ZNFX1: variants seen among roughly 807,000 people sequenced by gnomAD.
ZNFX1 encodes the protein zinc finger NFX1-type containing 1, also known as NFX1-type zinc finger-containing protein 1.
A neutral mutation model predicts 179.8 loss-of-function variants in ZNFX1; 78 were observed. That is an observed-to-expected ratio of 0.43 (90% CI 0.36 to 0.52). ZNFX1 has a LOEUF of 0.52. Among genes scored for constraint, ZNFX1 ranks in the 20% least tolerant of loss-of-function variants. The pLI, the probability that ZNFX1 is intolerant of heterozygous loss-of-function variation, is 0.00. For synonymous variants in ZNFX1, 848 were observed against 868.5 expected, an observed-to-expected ratio of 0.98 and a Z score of 0.42; for missense variants, 1,927 against 2,386.6, an observed-to-expected ratio of 0.81 and a Z score of 4.01.
At position 49,270,412 on chromosome 20, in the gene ZNFX1, G is replaced by A. The variant is rs1981353154; in HGVS notation, c.1400C>T (p.Ala467Val). The A allele has an allele frequency of 7.4e-6, 12 of 1,614,178 alleles. No individual in the cohort carries two copies. Among genetic ancestry groups the A allele is most frequent in the Non-Finnish European group, 9.3e-6 (11 of 1,180,022 alleles). Residue 467 changes from alanine to valine, a missense_variant, in exon 3 of 14, where the codon GCC (alanine) becomes GTC (valine). Coordinates refer to ENST00000396105, the MANE Select transcript of ZNFX1 (RefSeq NM_021035.3). This position sits in a 1 kb window ranked among gnomAD's most constrained non-coding sequence, Gnocchi z 4.6. ...TTCCTGCTCCCTGTTAGATACGGTGGCAAAAAGAAATGTCTCGAAGTTGTC... is the reference window on the plus strand; with the variant it reads ...TTCCTGCTCCCTGTTAGATACGGTGACAAAAAGAAATGTCTCGAAGTTGTC... ...SKDNFETFLF[A>V]TVSNREQEDL...
At chr20:49,254,385 T>A (rs1980917135) in intron 10 of ZNFX1, 110 bp downstream of exon 10, 23 of 1,376,488 alleles carry the variant, frequency 1.7e-5, no homozygotes, top group Non-Finnish European at 2.3e-5. Context: ...TAGCTTTTCA[T>A]GGTATTTTCC....
Position 49,247,836 on chromosome 20 carries a change from C to A in ZNFX1, c.5188G>T (p.Val1730Leu). 2 of 1,614,124 alleles carry A rather than the reference C, an allele frequency of 1.2e-6. No homozygotes were observed. Among genetic ancestry groups the A allele is most frequent in the South Asian group, 2.2e-5 (2 of 91,080 alleles). The change falls in exon 14 of 14, where the codon GTG becomes TTG. Residue 1730 changes from valine to leucine, a missense_variant. Coordinates refer to ENST00000396105, the MANE Select transcript of ZNFX1 (RefSeq NM_021035.3). The part of the protein sequence containing the change: ...KKMHVLEEKR[V>L]RTRLEQVHEW... ...TGGACCTGTTCTAGTCGAGTCCTCA[C>A]TCTTTTCTCTTCTAAGACATGCATC...
At position 49,251,524 on chromosome 20, in the gene ZNFX1, C is replaced by T. The variant is rs763475312; in HGVS notation, c.3312+3G>A. On this transcript the variant is annotated splice_donor_region_variant and intron_variant, in intron 13 of 13. Coordinates refer to ENST00000396105, the MANE Select transcript of ZNFX1 (RefSeq NM_021035.3). Reference sequence around the variant, plus strand: ...CAAGAAAGATCGGGTAAGACAGACTCACCTTAATCTTCTCATACTTAAGAA... The same window carrying T: ...CAAGAAAGATCGGGTAAGACAGACTTACCTTAATCTTCTCATACTTAAGAA... 8.7e-6 allele frequency: 14 copies of T among 1,609,854 alleles called. No individual in the cohort carries two copies. Among genetic ancestry groups the T allele is most frequent in the Middle Eastern group, 1.7e-4 (1 of 6,042 alleles).
At position 49,245,937 on chromosome 20, in the gene ZNFX1, A is replaced by T. The variant is rs909408536; in HGVS notation, c.*1330T>A. The T allele has an allele frequency of 6.6e-6, 1 of 152,638 alleles. No homozygotes were observed. The highest frequency in any genetic ancestry group is 2.4e-5 in the African/African-American group (1 of 41,452). 9.5% of individuals were successfully genotyped at this position (152,638 alleles called of 1,614,324 possible). ...TTGTTTTTAATTGGCTTTATAAGCT[A>T]AAGTGCATAGTAAAGACAAAAAAAG... On this transcript the variant is annotated 3_prime_UTR_variant, in exon 14 of 14. Coordinates refer to ENST00000396105, the MANE Select transcript of ZNFX1 (RefSeq NM_021035.3).
chr20:49,263,621 T>C (rs1033173390), intron 5 of ZNFX1, 138 bp from the exon 6 acceptor site: 4 of 1,048,654 alleles, frequency 3.8e-6, no homozygotes, highest in African/African-American at 1.6e-5. Flanking sequence ...AACAAACCAA[T>C]TTCCCAAGGC....
At chr20:49,255,678 T>C in intron 9 of ZNFX1, 130 bp downstream of exon 9, 1 of 1,038,936 alleles carries the variant, frequency 9.6e-7, no homozygotes, top group Non-Finnish European at 1.4e-6. Flanking sequence ...GCTGTATCCC[T>C]ATCACTCAGC....
At chr20:49,258,520 G>T (rs977428205) in intron 7 of ZNFX1, among the ~76,000 whole-genome samples, 3 of 152,154 alleles carry the variant, frequency 2.0e-5, no homozygotes, top group Non-Finnish European at 2.9e-5. Context: ...TTTAAAGAAA[G>T]GTTTTGGCTG....
intron 13 of ZNFX1, 57 bp from the exon 14 acceptor site, chr20:49,249,768 C>A: frequency 6.5e-7 from 1 of 1,548,926 alleles, no homozygotes; most frequent in Non-Finnish European, 8.7e-7. Flanking sequence ...TTGTTTTTTT[C>A]TTCCTCTCTT....
At position 49,255,216 on chromosome 20, in the gene ZNFX1, T is replaced by C. The variant is rs866868812; in HGVS notation, c.2805-567A>G. On this transcript the variant is annotated intron_variant, in intron 9 of 13. Coordinates refer to ENST00000396105, the MANE Select transcript of ZNFX1 (RefSeq NM_021035.3). ...CGGCCACCACGCCCAGCTAATTTTT[T>C]GTGTTTTTAGTAGAGACGGGGTTTC... 2.0e-5 allele frequency among the ~76,000 whole-genome samples: 3 copies of C among 152,164 alleles called. 1 individual carries two copies. In the Middle Eastern group the frequency reaches 0.01, roughly 518 times the overall value.
chr20:49,255,900 C>T lies in ZNFX1; in HGVS notation c.2712G>A (p.Glu904=), dbSNP rs780271824. 1.2e-6 allele frequency: 2 copies of T among 1,614,118 alleles called. No homozygotes were observed. Among genetic ancestry groups the T allele is most frequent in the Admixed American group, 1.7e-5 (1 of 59,994 alleles). The part of the protein sequence containing the change: ...KKKMKKRVKD[E]LRKLNTMTAA... Reference sequence around the variant, plus strand: ...CAGTCATGGTGTTCAGTTTGCGAAGCTCATCCTTCACTCTTTTTTTCATTT... The same window carrying T: ...CAGTCATGGTGTTCAGTTTGCGAAGTTCATCCTTCACTCTTTTTTTCATTT... Residue 904 remains glutamate, a synonymous_variant, in exon 9 of 14, where the codon GAG becomes GAA. Coordinates refer to ENST00000396105, the MANE Select transcript of ZNFX1 (RefSeq NM_021035.3).
rs201173467 is a variant in ZNFX1, at chr20:49,249,625, C to T, written c.3399G>A (p.Glu1133=). The change falls in exon 14 of 14, where the codon GAG becomes GAA. Residue 1133 remains glutamate, a synonymous_variant. Coordinates refer to ENST00000396105, the MANE Select transcript of ZNFX1 (RefSeq NM_021035.3). Reference sequence around the variant, plus strand: ...TGCACAGCTCTACCACAAAGTGAGCCTCATGCTGGTTCTGATGGCTTTTGC... The same window carrying T: ...TGCACAGCTCTACCACAAAGTGAGCTTCATGCTGGTTCTGATGGCTTTTGC... The part of the protein sequence containing the change: ...QEGKSHQNQH[E]AHFVVELCKY... 18 of 1,614,220 alleles carry T rather than the reference C, an allele frequency of 1.1e-5. No homozygotes were observed. The African/African-American group carries it at 2.3e-4, about 20-fold the overall frequency.
At position 49,248,121 on chromosome 20, in the gene ZNFX1, T is replaced by C; in HGVS notation, c.4903A>G (p.Ser1635Gly). 1 of 1,614,244 alleles carries C rather than the reference T, an allele frequency of 6.2e-7. No homozygotes were observed. The highest frequency in any genetic ancestry group is 1.7e-5 in the Admixed American group (1 of 60,022). ...PIRKNLRYGTSIKQRLEEIEI... is the reference protein window; with the variant it reads ...PIRKNLRYGTGIKQRLEEIEI... ...ATCTCTTCTAGCCGCTGTTTTATGC[T>C]AGTTCCATACCTCAGGTTTTTGCGG... Residue 1635 changes from serine to glycine, a missense_variant, in exon 14 of 14, where the codon AGC becomes GGC. Ser to Gly is a moderately conservative substitution (Grantham distance 56). Transcript: ENST00000396105. The surrounding 1 kb of genome is among the most constrained non-coding windows in gnomAD (Gnocchi z 4.6).
At position 49,247,954 on chromosome 20, in the gene ZNFX1, G is replaced by T. The variant is rs780879698; in HGVS notation, c.5070C>A (p.Ala1690=). ...GGTCCTTCACTGACAGATTTTTCTG[G>T]GCCAGCTTCTCCTTTAACATCAGGA... ...EDFLMLKEKL[A]QKNLSVKDLG... is the part of the protein sequence containing the mutation. The change falls in exon 14 of 14, where the codon GCC becomes GCA. Residue 1690 remains alanine (A), a synonymous_variant. Coordinates refer to ENST00000396105, the MANE Select transcript of ZNFX1 (RefSeq NM_021035.3). 2 of 1,613,684 alleles carry T rather than the reference G, an allele frequency of 1.2e-6. No homozygotes were observed. The highest frequency in any genetic ancestry group is 8.5e-7 in the Non-Finnish European group (1 of 1,179,876).
Position 49,247,176 on chromosome 20 carries a change from T to C in ZNFX1, c.*91A>G. 8 of 1,501,832 alleles carry C rather than the reference T, an allele frequency of 5.3e-6. No individual in the cohort carries two copies. Among genetic ancestry groups the C allele is most frequent in the Non-Finnish European group, 6.3e-6 (7 of 1,119,530 alleles). The allele number at this position is 1,501,832 out of a possible 1,614,324, so 93.0% of individuals were successfully genotyped here. A position where few individuals can be genotyped will look rare whatever the true frequency, so the allele number is the denominator to read the frequency against. ...GCCACTGCGCCCAGCCTAAAAAGGA[T>C]GATAATAAAAAACAAACTTCAGTTC... On this transcript the variant is annotated 3_prime_UTR_variant, in exon 14 of 14. Coordinates refer to ENST00000396105, the MANE Select transcript of ZNFX1 (RefSeq NM_021035.3).
At position 49,248,743 on chromosome 20, in the gene ZNFX1, C is replaced by T; in HGVS notation, c.4281G>A (p.Leu1427=). 6.2e-7 allele frequency: 1 copy of T among 1,613,480 alleles called. No individual in the cohort carries two copies. The highest frequency in any genetic ancestry group is 8.5e-7 in the Non-Finnish European group (1 of 1,180,046). The change falls in exon 14 of 14, where the codon CTG becomes CTA. Residue 1427 remains leucine, a synonymous_variant. Coordinates refer to ENST00000396105, the MANE Select transcript of ZNFX1 (RefSeq NM_021035.3). The surrounding 1 kb of genome is among the most constrained non-coding windows in gnomAD (Gnocchi z 4.6). ...GHVEGLLYGG[L]LVKCTTKCGT... ...CACACTTTGTGGTACACTTGACTAG[C>T]AGACCACCATACAGGAGGCCTTCCA...
chr20:49,258,902 A>G (rs171132), intron 7 of ZNFX1, among the ~76,000 whole-genome samples: 127,680 of 151,994 alleles, frequency 0.84, 54,060 homozygotes, highest in African/African-American at 0.93. Context: ...TCAGGAGCTC[A>G]AGACCAGCCT....
rs1980957371 is a variant in ZNFX1, at chr20:49,255,851, C to T, written c.2761G>A (p.Asp921Asn). The T allele has an allele frequency of 6.2e-7, 1 of 1,613,942 alleles. No individual in the cohort carries two copies. Among genetic ancestry groups the T allele is most frequent in the African/African-American group, 1.3e-5 (1 of 74,900 alleles). Residue 921 changes from aspartate to asparagine, a missense_variant, in exon 9 of 14, where the codon GAT becomes AAT. Transcript: ENST00000396105. ...MTAAEANEIE[D>N]VWQLDLSSRW... is the part of the protein sequence containing the mutation. ...GAACTGAGGTCCAGCTGCCAAACAT[C>T]CTCGATCTCGTTGGCCTCGGCTGCA...
At position 49,248,948 on chromosome 20, in the gene ZNFX1, T is replaced by A; in HGVS notation, c.4076A>T (p.Gln1359Leu). 6.2e-7 allele frequency: 1 copy of A among 1,614,220 alleles called. No individual in the cohort carries two copies. The highest frequency in any genetic ancestry group is 8.5e-7 in the Non-Finnish European group (1 of 1,180,026). Residue 1359 changes from glutamine to leucine, a missense_variant, in exon 14 of 14, where the codon CAA becomes CTA. Physicochemically the swap from Gln to Leu is moderately radical, Grantham distance 113. Transcript: ENST00000396105. The surrounding 1 kb of genome is among the most constrained non-coding windows in gnomAD (Gnocchi z 4.6). ...CTCAGGCACGGAACAAGGGACCATTTGTTCATGGCCGCACCGAGGAATGGT... is the reference window on the plus strand; with the variant it reads ...CTCAGGCACGGAACAAGGGACCATTAGTTCATGGCCGCACCGAGGAATGGT... The part of the protein sequence containing the change: ...PKTIPRCGHE[Q>L]MVPCSVPESD...
chr20:49,247,487 C>G lies in ZNFX1; in HGVS notation c.5537G>C (p.Trp1846Ser). 6.2e-7 allele frequency: 1 copy of G among 1,614,194 alleles called. No homozygotes were observed. Among genetic ancestry groups the G allele is most frequent in the Non-Finnish European group, 8.5e-7 (1 of 1,180,036 alleles). The change falls in exon 14 of 14, where the codon TGG becomes TCG. Residue 1846 changes from tryptophan to serine, a missense_variant. Coordinates refer to ENST00000396105, the MANE Select transcript of ZNFX1 (RefSeq NM_021035.3). ...VSAIGYPRGH[W>S]FKCRNGHIYV... ...GATATGGCCATTGCGGCACTTGAAC[C>G]AGTGACCACGAGGATAACCTATGGC...
Sources: allele counts gnomAD v4.1 joint callset (sites outside exome capture counted in the v4.1 genomes callset), GRCh38; gene constraint gnomAD v4.1.1; non-coding constraint Gnocchi (gnomAD v3.1); transcripts MANE v1.5; gene names NCBI Gene and HGNC (gene_info 2026-07-23, HGNC 2026-07-21).